The following STAG1 variants were observed in gnomAD, a reference collection of about 807,000 sequenced individuals.
The protein encoded by STAG1 is STAG1 cohesin complex component.
Under a neutral mutation model 170.9 loss-of-function variants are expected in STAG1, and 26 were observed. The observed-to-expected ratio is 0.15, with a 90% confidence interval of 0.11 to 0.21. STAG1 has a LOEUF of 0.21. STAG1 is among the 10% of genes least tolerant of loss of function. STAG1 has a pLI of 1.00. For synonymous variants in STAG1, 514 were observed against 497.7 expected (o/e 1.03, Z -0.44); for missense variants, 964 against 1,509.5 (o/e 0.64, Z 5.99).
chr3:136,377,881 T>A (rs1213145395), intron 22 of STAG1, 129 bp from the exon 23 acceptor site: 4 of 701,890 alleles, frequency 5.7e-6, no homozygotes, highest in African/African-American at 5.3e-5. Context: ...AAATTTAATG[T>A]TGGGAACCAT....
chr3:136,591,575 T>C (rs1373844674), intron 4 of STAG1: 3 of 432,996 alleles, frequency 6.9e-6, no homozygotes, highest in African/African-American at 2.1e-5. Flanking sequence ...AAAAAAATTA[T>C]CTGTTAAGTG....
chr3:136,639,186 A>AAG (rs1353453807), intron 1 of STAG1, among the ~76,000 whole-genome samples: 3 of 63,074 alleles, frequency 4.8e-5, no homozygotes, highest in Non-Finnish European at 9.8e-5. Flanking sequence ...AAGAAAAAAG[A>AAG]AAAGAAAAAA....
intron 29 of STAG1, among the ~76,000 whole-genome samples, chr3:136,345,066 T>G (rs1263584655): frequency 2.6e-5 from 4 of 152,078 alleles, no homozygotes; most frequent in Non-Finnish European, 4.4e-5. Context: ...CTGTTTTTCT[T>G]TCAGAACTTA....
At chr3:136,619,838 G>A (rs1939767910) in intron 3 of STAG1, among the ~76,000 whole-genome samples, 1 of 151,762 alleles carries the variant, frequency 6.6e-6, no homozygotes, top group African/African-American at 2.4e-5. Flanking sequence ...GGCTGAGGTG[G>A]GACGATCAGT....
chr3:136,605,156 G>A (rs2107809322), intron 3 of STAG1, among the ~76,000 whole-genome samples: 1 of 152,204 alleles, frequency 6.6e-6, no homozygotes, highest in East Asian at 1.9e-4. Context: ...TCTTAGTCAT[G>A]CAACAAATAT....
intron 1 of STAG1, among the ~76,000 whole-genome samples, chr3:136,637,150 T>C (rs577248299): frequency 6.6e-5 from 10 of 152,346 alleles, no homozygotes; most frequent in Non-Finnish European, 1.2e-4. Context: ...AAATTCTCTG[T>C]AGCATAAAGG....
chr3:136,422,665 T>A, intron 18 of STAG1, 52 bp from the exon 19 acceptor site: 1 of 1,561,734 alleles, frequency 6.4e-7, no homozygotes, highest in South Asian at 1.2e-5. Context: ...CAATAAAAAA[T>A]AAAAAATTAG....
At chr3:136,464,092 T>A (rs946701511) in intron 13 of STAG1, among the ~76,000 whole-genome samples, 12 of 151,742 alleles carry the variant, frequency 7.9e-5, no homozygotes, top group African/African-American at 2.9e-4. Context: ...TATATATATA[T>A]AAAACTTTCA....
At chr3:136,698,655 C>T (rs1278542681) in intron 1 of STAG1, among the ~76,000 whole-genome samples, 1 of 152,052 alleles carries the variant, frequency 6.6e-6, no homozygotes, top group Admixed American at 6.6e-5. Context: ...GGTAAAGAAG[C>T]CAGGCTAAAA....
chr3:136,650,274 A>G (rs1456937080), intron 1 of STAG1, among the ~76,000 whole-genome samples: 1 of 151,864 alleles, frequency 6.6e-6, no homozygotes, highest in Non-Finnish European at 1.5e-5. Flanking sequence ...GAAAAATAAT[A>G]ATAGAAATAA....
chr3:136,468,102 G>A (rs915808293), intron 12 of STAG1, among the ~76,000 whole-genome samples: 1 of 152,126 alleles, frequency 6.6e-6, no homozygotes, highest in African/African-American at 2.4e-5. Flanking sequence ...AAGAACTAGA[G>A]AAGGAAGAGC....
chr3:136,602,696 C>CA, intron 4 of STAG1, among the ~76,000 whole-genome samples: 1 of 151,934 alleles, frequency 6.6e-6, no homozygotes, highest in East Asian at 1.9e-4. Flanking sequence ...ACTAAAAATA[C>CA]AAAAATTAGC....
chr3:136,496,913 G>A (rs1264379115), intron 9 of STAG1, among the ~76,000 whole-genome samples: 1 of 151,362 alleles, frequency 6.6e-6, no homozygotes, highest in Non-Finnish European at 1.5e-5. Context: ...AAAAGGAGTG[G>A]GAGAGAGAGA....
At chr3:136,345,177 C>T (rs766426468) in intron 29 of STAG1, among the ~76,000 whole-genome samples, 18 of 152,174 alleles carry the variant, frequency 1.2e-4, no homozygotes, top group Non-Finnish European at 2.1e-4. Flanking sequence ...TCAACCTCCG[C>T]CTCCTAAGTT....
chr3:136,508,822 C>T (rs971859654), intron 7 of STAG1, among the ~76,000 whole-genome samples: 2 of 152,270 alleles, frequency 1.3e-5, no homozygotes. Flanking sequence ...CAAGTTCCCA[C>T]AATTGTGCTG....
chr3:136,666,379 A>G (rs1941775721), intron 1 of STAG1, among the ~76,000 whole-genome samples: 1 of 152,142 alleles, frequency 6.6e-6, no homozygotes, highest in Non-Finnish European at 1.5e-5. Context: ...GAGATTATAA[A>G]TGGATGTTTT....
chr3:136,746,052 A>G (rs754497458), intron 1 of STAG1, among the ~76,000 whole-genome samples: 1 of 152,168 alleles, frequency 6.6e-6, no homozygotes, highest in Non-Finnish European at 1.5e-5. Flanking sequence ...CACTTTCAGC[A>G]CTAAAAGGCA....
intron 1 of STAG1, among the ~76,000 whole-genome samples, chr3:136,655,644 T>C (rs1941346268): frequency 1.3e-5 from 2 of 152,168 alleles, no homozygotes; most frequent in Non-Finnish European, 2.9e-5. Flanking sequence ...ATGCCGGTAG[T>C]TCCAGCTACT....
intron 7 of STAG1, among the ~76,000 whole-genome samples, chr3:136,512,084 T>C (rs907152129): frequency 3.1e-5 from 4 of 127,588 alleles, no homozygotes; most frequent in African/African-American, 8.9e-5. Context: ...GTAAGACCTC[T>C]TCTCTACAAA....
Sources: gnomAD v4.1 joint callset for allele counts (sites outside exome capture counted in the v4.1 genomes callset) on GRCh38, gnomAD v4.1.1 for gene constraint, MANE v1.5 for transcripts, NCBI Gene and HGNC (gene_info 2026-07-23, HGNC 2026-07-21) for gene names.